Variants in SH3GL1 observed in about 807,000 individuals in gnomAD.
The protein encoded by SH3GL1 is SH3 domain containing GRB2 like 1, endophilin A2, also known as endophilin-A2.
Under a neutral mutation model 48.8 loss-of-function variants are expected in SH3GL1, and 21 were observed. The ratio of observed to expected loss-of-function variants is 0.43; its 90% confidence interval spans 0.30 to 0.62. SH3GL1 has a LOEUF of 0.62. Ranked by LOEUF, SH3GL1 falls within the 20% of genes least tolerant of loss-of-function variation. The pLI, the probability that SH3GL1 is intolerant of heterozygous loss-of-function variation, is 0.11. For missense variants in SH3GL1, 454 were observed against 503.0 expected, an observed-to-expected ratio of 0.90 and a Z score of 0.93; for synonymous variants, 282 against 217.5, an observed-to-expected ratio of 1.30 and a Z score of -2.61.
At chr19:4,394,113 C>T (rs1047275210) in intron 1 of SH3GL1, among the ~76,000 whole-genome samples, 2 of 135,692 alleles carry the variant, frequency 1.5e-5, no homozygotes, top group Non-Finnish European at 3.1e-5. Context: ...CAAACCCTCT[C>T]CCTCCTTTCA....
chr19:4,366,373 A>G (rs1446069961), intron 3 of SH3GL1, 128 bp downstream of exon 3: 1 of 716,378 alleles, frequency 1.4e-6, no homozygotes, highest in Non-Finnish European at 2.4e-6. Flanking sequence ...TGGCCTCTGC[A>G]CTCCGGGATC....
At chr19:4,385,712 G>A (rs906713060) in intron 1 of SH3GL1, among the ~76,000 whole-genome samples, 1 of 152,244 alleles carries the variant, frequency 6.6e-6, no homozygotes. Flanking sequence ...TAGCCGGGGA[G>A]GCTGCTGTGG....
At chr19:4,362,051 C>G (rs1301187523) in intron 9 of SH3GL1, among the ~76,000 whole-genome samples, 1 of 152,198 alleles carries the variant, frequency 6.6e-6, no homozygotes, top group African/African-American at 2.4e-5. Flanking sequence ...GGTGCTGCTG[C>G]GGTGACAGGG....
intron 1 of SH3GL1, among the ~76,000 whole-genome samples, chr19:4,398,277 T>C (rs1973459003): frequency 6.6e-6 from 1 of 152,146 alleles, no homozygotes; most frequent in Non-Finnish European, 1.5e-5. Flanking sequence ...GCCCAAGCAT[T>C]TGCTAAGATC....
intron 1 of SH3GL1, among the ~76,000 whole-genome samples, chr19:4,368,962 C>T (rs1972839643): frequency 6.6e-6 from 1 of 152,130 alleles, no homozygotes; most frequent in African/African-American, 2.4e-5. Context: ...GTCCCAGCTA[C>T]TCGGGAGGCT....
chr19:4,365,414 C>G, intron 4 of SH3GL1, 68 bp downstream of exon 4: 1 of 1,590,590 alleles, frequency 6.3e-7, no homozygotes, highest in Non-Finnish European at 8.6e-7. Context: ...GGGCCTGGAC[C>G]TGCCCTGCCT....
At chr19:4,365,367 G>A in intron 4 of SH3GL1, 115 bp downstream of exon 4, 1 of 1,387,230 alleles carries the variant, frequency 7.2e-7, no homozygotes, top group Non-Finnish European at 1.0e-6. Flanking sequence ...GGAAAGCTGT[G>A]GGGGCCACTG....
Position 4,400,533 on chromosome 19 carries a change from C to T in SH3GL1, c.-165G>A, listed in dbSNP as rs1263757797. 1 of 397,838 alleles carries T rather than the reference C, an allele frequency of 2.5e-6. No homozygotes were observed. Among genetic ancestry groups the T allele is most frequent in the Non-Finnish European group, 3.4e-6 (1 of 291,512 alleles). The allele number at this position is 397,838 out of a possible 1,614,324, so 24.6% of individuals were successfully genotyped here. ...GCCGCCTCAGCCGCTCGCGCGCCCG[C>T]GCGGCCAGGATATTACATGGCAACC... On this transcript the variant is annotated 5_prime_UTR_variant, in exon 1 of 10. Coordinates refer to ENST00000269886, the MANE Select transcript of SH3GL1 (RefSeq NM_003025.4). The surrounding 1 kb of genome is among the most constrained non-coding windows in gnomAD (Gnocchi z 4.1).
At position 4,360,503 on chromosome 19, in the gene SH3GL1, GGCAGA is replaced by G. The variant is rs1163654795; in HGVS notation, c.*1092_*1096del. 4.3e-6 allele frequency: 1 copy of G among 233,944 alleles called. No individual in the cohort carries two copies. The highest frequency in any genetic ancestry group is 8.4e-6 in the Non-Finnish European group (1 of 118,614). The allele number at this position is 233,944 out of a possible 1,614,324, so 14.5% of individuals were successfully genotyped here. A position where few individuals can be genotyped will look rare whatever the true frequency, so the allele number is the denominator to read the frequency against. On this transcript the variant is annotated 3_prime_UTR_variant, in exon 10 of 10. Coordinates refer to ENST00000269886, the MANE Select transcript of SH3GL1 (RefSeq NM_003025.4). ...TTCTGACGAGGGGGGTGCAGGGCAG[GGCAGA>G]GCAGAGCCTGGGGTCCGGAGGCTTC...
rs1311161205 is a variant in SH3GL1, at chr19:4,361,603, C to T, written c.1104G>A (p.Gln368=). 6.3e-7 allele frequency: 1 copy of T among 1,596,236 alleles called. No homozygotes were observed. The highest frequency in any genetic ancestry group is 2.2e-5 in the East Asian group (1 of 44,734). The change falls in exon 10 of 10, where the codon CAG becomes CAA. Residue 368 remains glutamine (Q), a synonymous_variant. Coordinates refer to ENST00000269886, the MANE Select transcript of SH3GL1 (RefSeq NM_003025.4). ...GCGGGGCGGGGACACGGGTGAGTCA[C>T]TGCGGCAGGGGCACAAGCACCTCCA... is the stretch of plus-strand genomic sequence containing the variant. ...SYVEVLVPLP[Q] is the part of the protein sequence containing the mutation.
At chr19:4,375,911 C>A (rs1781142020) in intron 1 of SH3GL1, among the ~76,000 whole-genome samples, 3 of 152,226 alleles carry the variant, frequency 2.0e-5, no homozygotes, top group Admixed American at 2.0e-4. Context: ...GTCCAGGGGG[C>A]AGAGTGTGAT....
chr19:4,394,126 CAAAAAA>C (rs34866100), intron 1 of SH3GL1, among the ~76,000 whole-genome samples: 1 of 89,764 alleles, frequency 1.1e-5, no homozygotes, highest in African/African-American at 4.3e-5. Flanking sequence ...TCCTTTCAGG[CAAAAAA>C]AAAAAAAAAA....
chr19:4,362,495 G>A (rs764969358), intron 8 of SH3GL1, 110 bp from the exon 9 acceptor site: 436 of 1,572,808 alleles, frequency 2.8e-4, no homozygotes, highest in Admixed American at 4.4e-4. Flanking sequence ...TCCAGATGGA[G>A]CACGGCTGAG....
At position 4,366,646 on chromosome 19, in the gene SH3GL1, A is replaced by G. The variant is rs1972787001; in HGVS notation, c.115-73T>C. 7 of 1,379,792 alleles carry G rather than the reference A, an allele frequency of 5.1e-6. No homozygotes were observed. The Admixed American group carries it at 1.1e-4, about 22-fold the overall frequency. The allele number at this position is 1,379,792 out of a possible 1,614,324, so 85.5% of individuals were successfully genotyped here. A position where few individuals can be genotyped will look rare whatever the true frequency, so the allele number is the denominator to read the frequency against. On this transcript the variant is annotated intron_variant, in intron 2 of 9. Coordinates refer to ENST00000269886, the MANE Select transcript of SH3GL1 (RefSeq NM_003025.4). ...AGGCACACAAGACCCCCGCTGCTGC[A>G]CCGCCTCCTGCCCTAAGAGCCCATA...
In SH3GL1 at chr19:4,399,867, G is replaced by A. The variant is rs1973490941; in HGVS notation, c.45+457C>T. ...GCTGGCTGCCCGAGGAGCAGAGAGGGGAAACTGACTTCTTCCTCTACCTTT... is the reference window on the plus strand; with the variant it reads ...GCTGGCTGCCCGAGGAGCAGAGAGGAGAAACTGACTTCTTCCTCTACCTTT... On this transcript the variant is annotated intron_variant, in intron 1 of 9. Transcript: ENST00000269886. 3.3e-5 allele frequency among the ~76,000 whole-genome samples: 5 copies of A among 152,324 alleles called. No individual in the cohort carries two copies. The South Asian group carries it at 1.0e-3, about 32-fold the overall frequency.
rs967651754 is a variant in SH3GL1 at position 4,376,622 on chromosome 19, T to A, written c.46-9628A>T. Among the ~76,000 whole-genome samples, 2 of 151,746 alleles carry A rather than the reference T, an allele frequency of 1.3e-5. No individual in the cohort carries two copies. The highest frequency in any genetic ancestry group is 4.8e-5 in the African/African-American group (2 of 41,280). ...CTTCACACTTCATCTTACACCCCCA[T>A]CTGCCTGGGCGGCCCCCCCATCTCC... On this transcript the variant is annotated intron_variant, in intron 1 of 9. Transcript: ENST00000269886. The surrounding 1 kb of genome is among the most constrained non-coding windows in gnomAD (Gnocchi z 4.3).
chr19:4,385,081 G>A (rs1174834988), intron 1 of SH3GL1, among the ~76,000 whole-genome samples: 1 of 147,766 alleles, frequency 6.8e-6, no homozygotes, highest in Non-Finnish European at 1.5e-5. Flanking sequence ...TCCAGCCTGG[G>A]TGACGAGAGA....
In SH3GL1 at chr19:4,360,741, C is replaced by G. The variant is rs1482735065; in HGVS notation, c.*859G>C. ...CACCAGGGGCTGGGACATGCGCTCA[C>G]TGGAACCTTTGTGCTTGGCCCTCGG... is the stretch of plus-strand genomic sequence containing the variant. On this transcript the variant is annotated 3_prime_UTR_variant, in exon 10 of 10. Coordinates refer to ENST00000269886, the MANE Select transcript of SH3GL1 (RefSeq NM_003025.4). The G allele has an allele frequency of 4.3e-6, 1 of 233,496 alleles. No homozygotes were observed. Among genetic ancestry groups the G allele is most frequent in the African/African-American group, 2.2e-5 (1 of 45,350 alleles). The allele number at this position is 233,496 out of a possible 1,614,324, so 14.5% of individuals were successfully genotyped here.
intron 1 of SH3GL1, among the ~76,000 whole-genome samples, chr19:4,374,571 G>A (rs1173146188): frequency 2.6e-5 from 4 of 152,192 alleles, no homozygotes; most frequent in East Asian, 1.9e-4. Flanking sequence ...AACCTGGCCC[G>A]TCCGCCCTAG....
Sources: gnomAD v4.1 joint callset for allele counts (sites outside exome capture counted in the v4.1 genomes callset) on GRCh38, gnomAD v4.1.1 for gene constraint, Gnocchi (gnomAD v3.1) non-coding constraint, MANE v1.5 for transcripts, NCBI Gene and HGNC (gene_info 2026-07-23, HGNC 2026-07-21) for gene names.